Variants in DOCK1 observed in about 807,000 individuals in gnomAD.
DOCK1 encodes the protein dedicator of cytokinesis protein 1.
Under a neutral mutation model 262.7 loss-of-function variants are expected in DOCK1, and 138 were observed. That is an observed-to-expected ratio of 0.53 (90% CI 0.46 to 0.61). DOCK1 has a LOEUF of 0.61. DOCK1 is among the 20% of genes least tolerant of loss of function. DOCK1 has a pLI of 0.00. For synonymous variants in DOCK1, 866 were observed against 867.4 expected (o/e 1.00, Z 0.03); for missense variants, 1,908 against 2,370.7 (o/e 0.80, Z 4.05).
At chr10:127,144,529 G>T (rs1345883620) in intron 27 of DOCK1, among the ~76,000 whole-genome samples, 2 of 152,178 alleles carry the variant, frequency 1.3e-5, no homozygotes, top group African/African-American at 4.8e-5. Flanking sequence ...ATAAACTGAT[G>T]AACTGAACCA....
chr10:127,447,408 G>A lies in DOCK1; in HGVS notation c.5428G>A (p.Gly1810Ser), dbSNP rs377311503. 4.3e-5 allele frequency: 70 copies of A among 1,612,718 alleles called. No homozygotes were observed. The East Asian group carries it at 5.4e-4, about 12-fold the overall frequency. Residue 1810 changes from glycine to serine, a missense_variant, in exon 51 of 52, where the codon GGC (glycine) becomes AGC (serine). Gly to Ser is a moderately conservative substitution (Grantham distance 56). Coordinates refer to ENST00000623213, the MANE Select transcript of DOCK1 (RefSeq NM_001290223.2). ...CGGTTTTCCAGGCTTGGAGCTGAAC[G>A]GCATGACGGGGGCGGACGTGGCCGA... ...FSMQSSLELN[G>S]MTGADVADVP...
At chr10:127,315,352 G>A (rs1399514306) in intron 29 of DOCK1, among the ~76,000 whole-genome samples, 1 of 152,124 alleles carries the variant, frequency 6.6e-6, no homozygotes, top group Non-Finnish European at 1.5e-5. Context: ...GGTAATTAAG[G>A]TTAAAGAAGA....
At chr10:127,448,237 G>A (rs536912815) in intron 51 of DOCK1, among the ~76,000 whole-genome samples, 18 of 152,168 alleles carry the variant, frequency 1.2e-4, no homozygotes, top group East Asian at 1.9e-4. Context: ...CCTCTTCAGC[G>A]TGAGTCCCTG....
At chr10:126,941,125 C>A (rs2034946532) in intron 1 of DOCK1, among the ~76,000 whole-genome samples, 1 of 152,088 alleles carries the variant, frequency 6.6e-6, no homozygotes, top group Non-Finnish European at 1.5e-5. Context: ...ATAAAATGTG[C>A]TCGGTTGGTT....
intron 23 of DOCK1, among the ~76,000 whole-genome samples, chr10:127,070,152 T>A (rs1486906496): frequency 6.6e-6 from 1 of 152,010 alleles, no homozygotes; most frequent in East Asian, 1.9e-4. Context: ...CAGGGCCAAC[T>A]CTACTGTGGC....
chr10:127,252,013 G>C (rs1218565004), intron 28 of DOCK1, among the ~76,000 whole-genome samples: 1 of 151,904 alleles, frequency 6.6e-6, no homozygotes, highest in Non-Finnish European at 1.5e-5. Context: ...CAGTGTAAAA[G>C]TGTTCCTATT....
chr10:127,191,602 A>G (rs1481284096), intron 27 of DOCK1, among the ~76,000 whole-genome samples: 1 of 152,220 alleles, frequency 6.6e-6, no homozygotes, highest in Non-Finnish European at 1.5e-5. Context: ...ATGAAGAAGG[A>G]CCATTGACAA....
intron 33 of DOCK1, 116 bp from the exon 34 acceptor site, chr10:127,373,665 C>T (rs1237651962): frequency 1.2e-5 from 11 of 925,162 alleles, no homozygotes; most frequent in Non-Finnish European, 1.8e-5. Flanking sequence ...GCTTCAAAGG[C>T]AGAGGGTAGC....
At chr10:127,421,253 C>T (rs915183307) in intron 46 of DOCK1, among the ~76,000 whole-genome samples, 1 of 152,050 alleles carries the variant, frequency 6.6e-6, no homozygotes, top group Admixed American at 6.5e-5. Flanking sequence ...AGCAGGGCCT[C>T]TTCTTAGTGG....
chr10:127,184,485 C>T (rs991267571), intron 27 of DOCK1, among the ~76,000 whole-genome samples: 1 of 145,582 alleles, frequency 6.9e-6, no homozygotes, highest in Non-Finnish European at 1.5e-5. Flanking sequence ...CCATGCCCCA[C>T]CCCCGTCCCC....
chr10:127,321,366 T>C (rs1351506523), intron 29 of DOCK1, among the ~76,000 whole-genome samples: 1 of 18,908 alleles, frequency 5.3e-5, no homozygotes, highest in Non-Finnish European at 9.3e-5. Flanking sequence ...CTCTAGCTCA[T>C]TTTTTTTTTC....
intron 31 of DOCK1, among the ~76,000 whole-genome samples, chr10:127,350,236 TAAAA>T (rs573442780): frequency 0.011 from 1,683 of 147,166 alleles, 39 homozygotes; most frequent in African/African-American, 0.04. Flanking sequence ...TTATGAAACT[TAAAA>T]AAAAAGTGGC....
chr10:127,318,561 G>A (rs1222866074), intron 29 of DOCK1, among the ~76,000 whole-genome samples: 1 of 152,212 alleles, frequency 6.6e-6, no homozygotes, highest in Non-Finnish European at 1.5e-5. Flanking sequence ...GGGCCTCAAG[G>A]CCACTCTGAT....
chr10:127,097,038 G>C (rs2047949352), intron 23 of DOCK1, among the ~76,000 whole-genome samples: 1 of 152,168 alleles, frequency 6.6e-6, no homozygotes, highest in Admixed American at 6.5e-5. Context: ...CTGGGAGGTG[G>C]AGGTTGCAGT....
intron 23 of DOCK1, among the ~76,000 whole-genome samples, chr10:127,073,509 G>C (rs2046347933): frequency 6.6e-6 from 1 of 152,240 alleles, no homozygotes; most frequent in South Asian, 2.1e-4. Context: ...TTAAGCATGA[G>C]TGAGTTTAGG....
chr10:127,038,703 A>G (rs1418096055), intron 19 of DOCK1, among the ~76,000 whole-genome samples: 2 of 151,848 alleles, frequency 1.3e-5, no homozygotes, highest in Non-Finnish European at 2.9e-5. Flanking sequence ...TGGCCTCAGC[A>G]TCTTTATCTG....
chr10:127,372,043 G>T (rs2065236012), intron 33 of DOCK1, among the ~76,000 whole-genome samples: 1 of 152,180 alleles, frequency 6.6e-6, no homozygotes, highest in Non-Finnish European at 1.5e-5. Flanking sequence ...GAATCAAAAA[G>T]AAGTGTTTAT....
intron 38 of DOCK1, among the ~76,000 whole-genome samples, chr10:127,391,888 A>G (rs1468562687): frequency 6.6e-6 from 1 of 151,866 alleles, no homozygotes; most frequent in Non-Finnish European, 1.5e-5. Flanking sequence ...TGGCCTCTGG[A>G]TCACAGCGTG....
intron 27 of DOCK1, among the ~76,000 whole-genome samples, chr10:127,180,449 T>G (rs1434303589): frequency 6.6e-6 from 1 of 152,222 alleles, no homozygotes; most frequent in Admixed American, 6.5e-5. Context: ...CATTGGACTG[T>G]GCTGTCTTGA....
Sources: allele counts gnomAD v4.1 joint callset (sites outside exome capture counted in the v4.1 genomes callset), GRCh38; gene constraint gnomAD v4.1.1; transcripts MANE v1.5; gene names NCBI Gene and HGNC (gene_info 2026-07-23, HGNC 2026-07-21).